DSCAML1: variants seen among roughly 807,000 people sequenced by gnomAD.
DSCAML1 encodes the protein cell adhesion molecule DSCAML1.
A neutral mutation model predicts 200.5 loss-of-function variants in DSCAML1; 38 were observed. The ratio of observed to expected loss-of-function variants is 0.19; its 90% confidence interval spans 0.15 to 0.25. The LOEUF is 0.25. Ranked by LOEUF, DSCAML1 falls within the 10% of genes least tolerant of loss-of-function variation. The pLI is 1.00. For synonymous variants in DSCAML1, 1,215 were observed against 1,165.0 expected, an observed-to-expected ratio of 1.04 and a Z score of -0.87; for missense variants, 2,223 against 2,858.8, an observed-to-expected ratio of 0.78 and a Z score of 5.07.
At chr11:117,791,627 G>A (rs1308373019) in intron 1 of DSCAML1, among the ~76,000 whole-genome samples, 3 of 152,216 alleles carry the variant, frequency 2.0e-5, no homozygotes, top group Non-Finnish European at 4.4e-5. Flanking sequence ...GTGACCACAT[G>A]GCCTCAGCCA....
intron 3 of DSCAML1, among the ~76,000 whole-genome samples, chr11:117,775,985 A>G (rs1292175592): frequency 1.3e-5 from 2 of 152,190 alleles, no homozygotes; most frequent in Non-Finnish European, 2.9e-5. Context: ...CTGGGTAGAG[A>G]AAGGAAGAAA....
chr11:117,735,282 G>A (rs897172087), intron 3 of DSCAML1, among the ~76,000 whole-genome samples: 2 of 152,186 alleles, frequency 1.3e-5, no homozygotes, highest in African/African-American at 4.8e-5. Flanking sequence ...CGGCCACAGA[G>A]AATCCTGGCA....
At chr11:117,788,523 C>T (rs2055404369) in intron 1 of DSCAML1, among the ~76,000 whole-genome samples, 2 of 152,114 alleles carry the variant, frequency 1.3e-5, no homozygotes, top group Non-Finnish European at 2.9e-5. Flanking sequence ...GATGGGGTTT[C>T]GCCATGTTGG....
intron 3 of DSCAML1, among the ~76,000 whole-genome samples, chr11:117,666,638 G>T (rs10431082): frequency 0.27 from 41,727 of 152,040 alleles, 5,969 homozygotes; most frequent in South Asian, 0.36. Flanking sequence ...AGCCTCAGGT[G>T]GTGGGGAGTA....
At chr11:117,723,172 A>T (rs1474390700) in intron 3 of DSCAML1, among the ~76,000 whole-genome samples, 1 of 152,248 alleles carries the variant, frequency 6.6e-6, no homozygotes, top group Non-Finnish European at 1.5e-5. Context: ...GCTATTTTTT[A>T]AAAAGTATTA....
intron 3 of DSCAML1, among the ~76,000 whole-genome samples, chr11:117,628,248 C>T (rs1050294627): frequency 2.0e-5 from 3 of 152,140 alleles, no homozygotes; most frequent in Non-Finnish European, 4.4e-5. Flanking sequence ...GGAACTTAGG[C>T]AAGGATGGAG....
chr11:117,428,613 C>A lies in DSCAML1; in HGVS notation c.5877G>T (p.Gly1959=), dbSNP rs559119644. The A allele has an allele frequency of 2.5e-6, 4 of 1,607,764 alleles. No individual in the cohort carries two copies. Among genetic ancestry groups the A allele is most frequent in the East Asian group, 4.5e-5 (2 of 44,674 alleles). The change falls in exon 33 of 33, where the codon GGG becomes GGT. Residue 1959 remains glycine (G), a synonymous_variant. Coordinates refer to ENST00000651296, the MANE Select transcript of DSCAML1 (RefSeq NM_020693.4). The part of the protein sequence containing the change: ...ASKSLGLPHP[G]APAAASTATL... ...TGGCTGTGGAGGCGGCAGCGGGGGC[C>A]CCTGGGTGGGGAAGGCCCAAGGACT...
chr11:117,506,484 C>T lies in DSCAML1; in HGVS notation c.1784-752G>A, dbSNP rs116846902. 1.7e-3 allele frequency among the ~76,000 whole-genome samples: 252 copies of T among 151,702 alleles called. 2 individuals are homozygous for T. Among genetic ancestry groups the T allele is most frequent in the Non-Finnish European group, 4.0e-4 (27 of 67,922 alleles). On this transcript the variant is annotated intron_variant, in intron 8 of 32. Coordinates refer to ENST00000651296, the MANE Select transcript of DSCAML1 (RefSeq NM_020693.4). ...GCTCCTCAAGTCCAAGTGTCATCAC[C>T]GTGTGGCTTGGTTGCCTCTCCAAGA... is the stretch of plus-strand genomic sequence containing the variant.
At chr11:117,574,911 C>A (rs985534373) in intron 3 of DSCAML1, among the ~76,000 whole-genome samples, 6 of 152,140 alleles carry the variant, frequency 3.9e-5, no homozygotes, top group Admixed American at 3.9e-4. Context: ...AGAAATCCTG[C>A]CGGGTGTGGT....
At chr11:117,633,297 C>G (rs1473843379) in intron 3 of DSCAML1, among the ~76,000 whole-genome samples, 3 of 152,190 alleles carry the variant, frequency 2.0e-5, no homozygotes, top group East Asian at 1.9e-4. Flanking sequence ...CCTCGCCACA[C>G]CTTGGCCAGC....
At chr11:117,789,633 G>A (rs939678224) in intron 1 of DSCAML1, among the ~76,000 whole-genome samples, 3 of 152,162 alleles carry the variant, frequency 2.0e-5, no homozygotes, top group African/African-American at 7.2e-5. Flanking sequence ...ATTCGAGGGT[G>A]TATCAGAGCA....
rs371063685 is a variant in DSCAML1 at position 117,437,916 on chromosome 11, C to T, written c.4411G>A (p.Glu1471Lys). 43 of 1,611,150 alleles carry T rather than the reference C, an allele frequency of 2.7e-5. No homozygotes were observed. Among genetic ancestry groups the T allele is most frequent in the African/African-American group, 4.0e-5 (3 of 74,874 alleles). Residue 1471 changes from glutamate (E) to lysine (K), a missense_variant, in exon 25 of 33, where the codon GAG (glutamate) becomes AAG (lysine). Transcript: ENST00000651296. This position sits in a 1 kb window ranked among gnomAD's most constrained non-coding sequence, Gnocchi z 5.3. ...VGSGRISEII[E>K]AKTHGREPSF... ...TCACCCCGCCCGTGGGTCTTGGCCT[C>T]GATGATCTCGCTGATGCGCCCAGAG...
At chr11:117,745,118 C>T (rs1368083827) in intron 3 of DSCAML1, among the ~76,000 whole-genome samples, 1 of 150,664 alleles carries the variant, frequency 6.6e-6, no homozygotes, top group Admixed American at 6.7e-5. Flanking sequence ...AGCCAGGCAA[C>T]ACTAATCCAT....
intron 1 of DSCAML1, among the ~76,000 whole-genome samples, chr11:117,782,094 A>G (rs2090717123): frequency 6.6e-6 from 1 of 151,682 alleles, no homozygotes. Flanking sequence ...CAAACAAACC[A>G]CTCTGCTGCT....
In DSCAML1 at chr11:117,431,672, T is replaced by C; in HGVS notation, c.5236A>G (p.Ser1746Gly). The part of the protein sequence containing the change: ...SAHSTRNRYS[S>G]QWTLTKCQAS... ...TGGCACTTGGTCAGGGTCCACTGGC[T>C]TGAGTACCGGTTCCGGGTGCTGTGG... The change falls in exon 31 of 33, where the codon AGC becomes GGC. Residue 1746 changes from serine (S) to glycine (G), a missense_variant. Transcript: ENST00000651296. The C allele has an allele frequency of 6.2e-7, 1 of 1,611,662 alleles. No homozygotes were observed. Among genetic ancestry groups the C allele is most frequent in the South Asian group, 1.1e-5 (1 of 90,788 alleles).
chr11:117,439,242 G>T, intron 23 of DSCAML1, 24 bp downstream of exon 23: 1 of 1,612,694 alleles, frequency 6.2e-7, no homozygotes, highest in Non-Finnish European at 8.5e-7. Context: ...CCCACCTGGG[G>T]TCACCTGCCT....
intron 3 of DSCAML1, among the ~76,000 whole-genome samples, chr11:117,694,418 A>G (rs1363237057): frequency 6.6e-6 from 1 of 152,086 alleles, no homozygotes; most frequent in Non-Finnish European, 1.5e-5. Flanking sequence ...AAGAAAAAAA[A>G]AAAAAGATAT....
Position 117,482,133 on chromosome 11 carries a change from T to C in DSCAML1, c.2389A>G (p.Thr797Ala), listed in dbSNP as rs1472506127. ...IPAMITSHPN[T>A]TIAIKGHAKE... ...GCATGGCCCTTGATGGCGATGGTGG[T>C]GTTGGGGTGGGAAGTGATCATGGCC... is the stretch of plus-strand genomic sequence containing the variant. The change falls in exon 12 of 33, where the codon ACC (threonine) becomes GCC (alanine). Residue 797 changes from threonine to alanine, a missense_variant. This residue lies in a region of DSCAML1 where 438 missense variants were observed against 629.7 expected (regional missense o/e 0.70). Coordinates refer to ENST00000651296, the MANE Select transcript of DSCAML1 (RefSeq NM_020693.4). 3 of 1,614,032 alleles carry C rather than the reference T, an allele frequency of 1.9e-6. No individual in the cohort carries two copies. The highest frequency in any genetic ancestry group is 2.2e-5 in the East Asian group (1 of 44,874).
chr11:117,453,676 ATCTC>A (rs1378412543), intron 19 of DSCAML1, among the ~76,000 whole-genome samples: 1 of 149,360 alleles, frequency 6.7e-6, no homozygotes, highest in African/African-American at 2.5e-5. Flanking sequence ...TGCTTTTAAG[ATCTC>A]TCTCTCTTTT....
Sources: gnomAD v4.1 joint callset for allele counts (sites outside exome capture counted in the v4.1 genomes callset) on GRCh38, gnomAD v4.1.1 for gene constraint, gnomAD v4.1.1 regional missense constraint, Gnocchi (gnomAD v3.1) non-coding constraint, MANE v1.5 for transcripts, NCBI Gene and HGNC (gene_info 2026-07-23, HGNC 2026-07-21) for gene names.